The following EFEMP1 variants were observed in gnomAD, a reference collection of about 807,000 sequenced individuals.
EFEMP1 encodes the protein EGF-like fibulin extracellular matrix protein 1.
Under a neutral mutation model 65.7 loss-of-function variants are expected in EFEMP1, and 18 were observed. The ratio of observed to expected loss-of-function variants is 0.27; its 90% CI spans 0.19 to 0.41. The LOEUF is 0.41. EFEMP1 is among the 10% of genes least tolerant of loss of function. The pLI is 1.00. For synonymous variants in EFEMP1, 237 were observed against 219.7 expected, an observed-to-expected ratio of 1.08 and a Z score of -0.70; for missense variants, 469 against 624.8, an observed-to-expected ratio of 0.75 and a Z score of 2.66.
intron 6 of EFEMP1, 30 bp downstream of exon 6, chr2:55,881,582 G>C: frequency 6.2e-7 from 1 of 1,612,568 alleles, no homozygotes; most frequent in Non-Finnish European, 8.5e-7. Flanking sequence ...ACTCAAGACA[G>C]GACCGTGCTC....
At chr2:55,900,556 A>T (rs1669993358) in intron 5 of EFEMP1, among the ~76,000 whole-genome samples, 1 of 152,200 alleles carries the variant, frequency 6.6e-6, no homozygotes, top group African/African-American at 2.4e-5. Flanking sequence ...GCACTTTTAA[A>T]AGCAATTTAA....
intron 5 of EFEMP1, among the ~76,000 whole-genome samples, chr2:55,904,880 C>A (rs867622662): frequency 6.6e-6 from 1 of 151,258 alleles, no homozygotes; most frequent in Middle Eastern, 3.4e-3. Context: ...CCTATTGGGT[C>A]TGTTTTCCTG....
rs1375943680 is a variant in EFEMP1 at position 55,885,782 on chromosome 2, G to A, written c.518-4048C>T. Among the ~76,000 whole-genome samples the A allele has an allele frequency of 2.0e-5, 3 of 152,062 alleles. No homozygotes were observed. The highest frequency in any genetic ancestry group is 4.4e-5 in the Non-Finnish European group (3 of 68,012). ...CATTTGATTTTCTCTCAAAGTTAAT[G>A]GAGACAACTTTGTCCACATCTCTGT... On this transcript the variant is annotated intron_variant, in intron 5 of 11. Transcript: ENST00000355426. This position sits in a 1 kb window ranked among gnomAD's most constrained non-coding sequence, Gnocchi z 4.3.
intron 5 of EFEMP1, among the ~76,000 whole-genome samples, chr2:55,913,690 T>C (rs1670571096): frequency 6.6e-6 from 1 of 152,102 alleles, no homozygotes; most frequent in Non-Finnish European, 1.5e-5. Context: ...TAGTGATTTC[T>C]AACTCCATCT....
At chr2:55,890,176 ATATTAG>A (rs1180392513) in intron 5 of EFEMP1, among the ~76,000 whole-genome samples, 1 of 152,028 alleles carries the variant, frequency 6.6e-6, no homozygotes, top group African/African-American at 2.4e-5. Flanking sequence ...TGGCTATGCA[ATATTAG>A]TATTAGAAGA....
chr2:55,908,403 T>C (rs1368856965), intron 5 of EFEMP1, among the ~76,000 whole-genome samples: 2 of 151,872 alleles, frequency 1.3e-5, no homozygotes, highest in Non-Finnish European at 2.9e-5. Flanking sequence ...CTCATAGAAG[T>C]AGAGGGAAAA....
intron 5 of EFEMP1, among the ~76,000 whole-genome samples, chr2:55,893,387 CT>C (rs1442959223): frequency 6.6e-6 from 1 of 152,138 alleles, no homozygotes; most frequent in Non-Finnish European, 1.5e-5. Flanking sequence ...CAGAATAACT[CT>C]TTCTCTTAAA....
In EFEMP1 at chr2:55,876,981, A is replaced by C. The variant is rs1347815126; in HGVS notation, c.761-239T>G. ...ATACTTCTTTTGGAAATACCGAAAT[A>C]TTTTTTCTAGGAATGACAGTTAGTT... On this transcript the variant is annotated intron_variant, in intron 7 of 11. Coordinates refer to ENST00000355426, the MANE Select transcript of EFEMP1 (RefSeq NM_001039348.3). Among the ~76,000 whole-genome samples, 10 of 152,110 alleles carry C rather than the reference A, an allele frequency of 6.6e-5. No homozygotes were observed. In the East Asian group the frequency reaches 1.9e-3, roughly 29 times the overall value.
In EFEMP1 at chr2:55,886,201, T is replaced by A. The variant is rs1308119951; in HGVS notation, c.518-4467A>T. On this transcript the variant is annotated intron_variant, in intron 5 of 11. Transcript: ENST00000355426. This position sits in a 1 kb window ranked among gnomAD's most constrained non-coding sequence, Gnocchi z 4.0. Reference sequence around the variant, plus strand: ...CTCCCTGTGTGATCTAGGGTCATGGTATCAATTTTTTCTCTTTGTTTCTCC... The same window carrying A: ...CTCCCTGTGTGATCTAGGGTCATGGAATCAATTTTTTCTCTTTGTTTCTCC... Among the ~76,000 whole-genome samples the A allele has an allele frequency of 6.6e-6, 1 of 152,306 alleles. No individual in the cohort carries two copies. Among genetic ancestry groups the A allele is most frequent in the Admixed American group, 6.5e-5 (1 of 15,296 alleles).
intron 5 of EFEMP1, among the ~76,000 whole-genome samples, chr2:55,898,961 T>A (rs190977299): frequency 6.6e-6 from 1 of 152,300 alleles, no homozygotes; most frequent in African/African-American, 2.4e-5. Flanking sequence ...GTAACTATGC[T>A]AGCAAGAGAC....
rs560047270 is a variant in EFEMP1 at position 55,866,948 on chromosome 2, A to C, written c.*125T>G. 33 of 1,253,524 alleles carry C rather than the reference A, an allele frequency of 2.6e-5. No homozygotes were observed. In the East Asian group the frequency reaches 7.9e-4, roughly 30 times the overall value. 77.7% of individuals were successfully genotyped at this position (1,253,524 alleles called of 1,614,324 possible). On this transcript the variant is annotated 3_prime_UTR_variant, in exon 12 of 12. Coordinates refer to ENST00000355426, the MANE Select transcript of EFEMP1 (RefSeq NM_001039348.3). ...CTTTATACCATGGTGTAATTGTTTG[A>C]ATTATGGGTGAGTGTACAGTATAGA...
intron 5 of EFEMP1, among the ~76,000 whole-genome samples, chr2:55,905,449 TC>T: frequency 6.6e-6 from 1 of 152,162 alleles, no homozygotes; most frequent in South Asian, 2.1e-4. Flanking sequence ...TTCCAATAAT[TC>T]TTTTTTGTGT....
At chr2:55,884,704 C>A (rs116467275) in intron 5 of EFEMP1, among the ~76,000 whole-genome samples, 2,956 of 152,278 alleles carry the variant, frequency 0.019, 55 homozygotes, top group South Asian at 0.08. Flanking sequence ...TAATCTAGGA[C>A]AAATTACTAT....
Position 55,867,227 on chromosome 2 carries a change from CT to C in EFEMP1, c.1327del (p.Ser443ValfsTer3). The C allele has an allele frequency of 6.2e-7, 1 of 1,613,734 alleles. No homozygotes were observed. Among genetic ancestry groups the C allele is most frequent in the South Asian group, 1.1e-5 (1 of 91,060 alleles). On this transcript the variant is annotated frameshift_variant, in exon 12 of 12. Transcript: ENST00000355426. LOFTEE classifies it high-confidence loss of function. The surrounding 1 kb of genome is among the most constrained non-coding windows in gnomAD (Gnocchi z 4.3). ...GAGCACAAGCATTGCACTTACAGGA[CT>C]TGTTTGCTAAAATAAAAGAAAATAG... ...ENGEFYLRQTSPVSAMLVLVK... is the reference protein window; with the variant it reads ...ENGEFYLRQTXPVSAMLVLVK...
chr2:55,889,208 G>A (rs1669543774), intron 5 of EFEMP1, among the ~76,000 whole-genome samples: 1 of 152,182 alleles, frequency 6.6e-6, no homozygotes. Flanking sequence ...ATTATAACAA[G>A]CATGGCTTGC....
At chr2:55,907,456 T>C (rs920703188) in intron 5 of EFEMP1, among the ~76,000 whole-genome samples, 3 of 152,206 alleles carry the variant, frequency 2.0e-5, no homozygotes, top group African/African-American at 7.2e-5. Flanking sequence ...CATTTACAAA[T>C]TGTAAAAATA....
At chr2:55,918,457 T>G (rs1266256034) in intron 3 of EFEMP1, among the ~76,000 whole-genome samples, 190 bp from the exon 4 acceptor site, 4 of 152,108 alleles carry the variant, frequency 2.6e-5, no homozygotes, top group Non-Finnish European at 5.9e-5. Context: ...ATTGGACAGC[T>G]TCGGGGGTCC....
chr2:55,906,696 T>C (rs926518827), intron 5 of EFEMP1, among the ~76,000 whole-genome samples: 1 of 152,220 alleles, frequency 6.6e-6, no homozygotes, highest in Non-Finnish European at 1.5e-5. Flanking sequence ...GCCTTGCTTG[T>C]TGAGTGGAGT....
In EFEMP1 at chr2:55,877,606, T is replaced by G. The variant is rs899631410; in HGVS notation, c.760+140A>C. On this transcript the variant is annotated intron_variant, in intron 7 of 11. Coordinates refer to ENST00000355426, the MANE Select transcript of EFEMP1 (RefSeq NM_001039348.3). This position sits in a 1 kb window ranked among gnomAD's most constrained non-coding sequence, Gnocchi z 4.5. ...GTGTTTTAAGACACAGATTGGTTAT[T>G]ATCTTTTAAGCTTTATGATTGCTGA... 22 of 1,359,188 alleles carry G rather than the reference T, an allele frequency of 1.6e-5. No individual in the cohort carries two copies. The East Asian group carries it at 5.0e-4, about 31-fold the overall frequency. 84.2% of individuals were successfully genotyped at this position (1,359,188 alleles called of 1,614,324 possible). A position where few individuals can be genotyped will look rare whatever the true frequency, so the allele number is the denominator to read the frequency against.
Sources: allele counts gnomAD v4.1 joint callset (sites outside exome capture counted in the v4.1 genomes callset), GRCh38; gene constraint gnomAD v4.1.1; non-coding constraint Gnocchi (gnomAD v3.1); transcripts MANE v1.5; gene names NCBI Gene and HGNC (gene_info 2026-07-23, HGNC 2026-07-21).